The following EML1 variants were observed in gnomAD, a reference collection of about 807,000 sequenced individuals.
EML1 encodes EMAP like 1.
Under a neutral mutation model 110.4 loss-of-function variants are expected in EML1, and 27 were observed. That is an observed-to-expected ratio of 0.24 (90% CI 0.18 to 0.34). The LOEUF (loss-of-function observed/expected upper bound fraction) is 0.34. Among genes scored for constraint, EML1 ranks in the 10% least tolerant of loss-of-function variants. EML1 has a pLI of 1.00. For missense variants in EML1, 741 were observed against 1,030.9 expected (o/e 0.72, Z 3.85); for synonymous variants, 344 against 385.8 (o/e 0.89, Z 1.27).
intron 1 of EML1, among the ~76,000 whole-genome samples, chr14:99,846,765 A>G (rs1309499150): frequency 6.6e-6 from 1 of 152,196 alleles, no homozygotes; most frequent in Non-Finnish European, 1.5e-5. Context: ...TAGCTGTGTG[A>G]GTGAATCATC....
At chr14:99,817,639 C>T (rs960364924) in intron 1 of EML1, among the ~76,000 whole-genome samples, 1 of 152,150 alleles carries the variant, frequency 6.6e-6, no homozygotes, top group African/African-American at 2.4e-5. Context: ...GTGGACCACA[C>T]TTTTAGAACT....
At position 99,910,290 on chromosome 14, in the gene EML1, G is replaced by T. The variant is rs763202236; in HGVS notation, c.1288G>T (p.Gly430Cys). 1.2e-6 allele frequency: 2 copies of T among 1,613,394 alleles called. No homozygotes were observed. The highest frequency in any genetic ancestry group is 1.7e-6 in the Non-Finnish European group (2 of 1,179,732). Residue 430 changes from glycine to cysteine, a missense_variant, in exon 12 of 22, where the codon GGT (glycine) becomes TGT (cysteine). Around this residue, in one of 4 missense-constraint regions of EML1, gnomAD observed 388 missense variants for 605.6 expected, o/e 0.64. Coordinates refer to ENST00000262233, the MANE Select transcript of EML1 (RefSeq NM_004434.3). ...FVLCVTFSEN[G>C]DTITGDSSGN... The stretch of plus-strand genomic sequence containing the variant: ...CCTCTGTGTGACTTTCTCTGAAAAC[G>T]GTGACACCATTACTGGAGATTCAAG...
chr14:99,769,565 A>G (rs2057401944), upstream of EML1, among the ~76,000 whole-genome samples: 1 of 152,220 alleles, frequency 6.6e-6, no homozygotes, highest in African/African-American at 2.4e-5. Flanking sequence ...TGGTTTGTCA[A>G]TCTGATATCA....
chr14:99,790,196 T>C (rs532943859), upstream of EML1, among the ~76,000 whole-genome samples: 13 of 152,382 alleles, frequency 8.5e-5, 1 homozygote, highest in South Asian at 2.7e-3. Context: ...TAATATCTTC[T>C]AAGAAAATCT....
At chr14:99,908,136 G>A (rs1428984740) in intron 10 of EML1, among the ~76,000 whole-genome samples, 2 of 152,236 alleles carry the variant, frequency 1.3e-5, no homozygotes, top group African/African-American at 4.8e-5. Flanking sequence ...GCCGCAGGAA[G>A]GGCAGGTATG....
At chr14:99,737,756 G>T in exon 1 of EML1, 1 of 1,280,424 alleles carries the variant, frequency 7.8e-7, no homozygotes, top group Non-Finnish European at 1.0e-6. Flanking sequence ...CCCAAGCCCT[G>T]CTGGGTGGGT....
At chr14:99,894,106 A>C (rs1198838963) in intron 5 of EML1, among the ~76,000 whole-genome samples, 1 of 152,112 alleles carries the variant, frequency 6.6e-6, no homozygotes, top group Non-Finnish European at 1.5e-5. Flanking sequence ...CCTAGCATGC[A>C]CTTCTGCTGA....
intron 4 of EML1, among the ~76,000 whole-genome samples, chr14:99,878,989 A>G (rs1272646030): frequency 6.6e-6 from 1 of 152,184 alleles, no homozygotes; most frequent in Non-Finnish European, 1.5e-5. Context: ...GTTCATTTTA[A>G]TGGACTGCTT....
intron 1 of EML1, chr14:99,809,571 C>T (rs1323525271): frequency 2.2e-6 from 1 of 451,870 alleles, no homozygotes; most frequent in Non-Finnish European, 4.5e-6. Flanking sequence ...TGGGTCCATC[C>T]CAGCCCTGGG....
chr14:99,739,507 C>T (rs887363532), intron 1 of EML1, among the ~76,000 whole-genome samples: 25 of 152,338 alleles, frequency 1.6e-4, no homozygotes, highest in African/African-American at 6.0e-4. Flanking sequence ...CCATCCCTTC[C>T]CCATCTAGGA....
intron 1 of EML1, 32 bp downstream of exon 1, chr14:99,793,575 G>T (rs1480655499): frequency 5.0e-6 from 5 of 1,004,036 alleles, no homozygotes; most frequent in Admixed American, 1.2e-4. Context: ...CCGGGGCGGC[G>T]AGCGGCTGGT....
chr14:99,931,037 C>T (rs72710070), intron 17 of EML1, among the ~76,000 whole-genome samples: 9,174 of 152,314 alleles, frequency 0.06, 358 homozygotes, highest in Non-Finnish European at 0.086. Context: ...GATCCCCCAT[C>T]TGCCTGGGTC....
intron 1 of EML1, among the ~76,000 whole-genome samples, chr14:99,842,698 T>C (rs930976951): frequency 6.6e-6 from 1 of 152,200 alleles, no homozygotes; most frequent in East Asian, 1.9e-4. Context: ...ATATTCTGAT[T>C]TGTGCAGTTT....
intron 17 of EML1, among the ~76,000 whole-genome samples, chr14:99,931,000 G>A (rs1463965064): frequency 6.6e-6 from 1 of 152,142 alleles, no homozygotes; most frequent in Non-Finnish European, 1.5e-5. Context: ...TCAGAATCTG[G>A]CACTTACTCC....
intron 1 of EML1, among the ~76,000 whole-genome samples, chr14:99,824,439 G>A (rs1014456471): frequency 6.6e-6 from 1 of 151,192 alleles, no homozygotes; most frequent in African/African-American, 2.4e-5. Context: ...ACACACATAT[G>A]TATGTCAGTA....
chr14:99,842,373 G>A (rs1046242316), intron 1 of EML1, among the ~76,000 whole-genome samples: 23 of 152,236 alleles, frequency 1.5e-4, no homozygotes, highest in African/African-American at 5.5e-4. Flanking sequence ...ACACAAGAAG[G>A]TTAAGAACCT....
intron 1 of EML1, among the ~76,000 whole-genome samples, chr14:99,778,820 C>G (rs1054673831): frequency 4.6e-5 from 7 of 152,190 alleles, no homozygotes. Context: ...TTTCTAGCTC[C>G]TATCATTACT....
intron 16 of EML1, 71 bp downstream of exon 16, chr14:99,917,920 AG>A: frequency 2.0e-6 from 3 of 1,494,292 alleles, no homozygotes; most frequent in South Asian, 1.1e-5. Flanking sequence ...CTATTTCCCC[AG>A]GAACAGGCCC....
chr14:99,880,903 A>G (rs2059374449), intron 4 of EML1, among the ~76,000 whole-genome samples: 1 of 152,218 alleles, frequency 6.6e-6, no homozygotes, highest in African/African-American at 2.4e-5. Flanking sequence ...TAGTTCTTAT[A>G]AAGACAGGCT....
Sources: gnomAD v4.1 joint callset for allele counts (sites outside exome capture counted in the v4.1 genomes callset) on GRCh38, gnomAD v4.1.1 for gene constraint, gnomAD v4.1.1 regional missense constraint, MANE v1.5 for transcripts, NCBI Gene and HGNC (gene_info 2026-07-23, HGNC 2026-07-21) for gene names.